RAPGEF2: variants seen among roughly 807,000 people sequenced by gnomAD.
RAPGEF2 encodes the protein Rap guanine nucleotide exchange factor 2.
Under a neutral mutation model 186.7 loss-of-function variants are expected in RAPGEF2, and 54 were observed. That is an observed-to-expected ratio of 0.29 (90% confidence interval 0.23 to 0.36). The LOEUF (loss-of-function observed/expected upper bound fraction) is 0.36, where lower values mean the gene tolerates loss of function less well. Among genes scored for constraint, RAPGEF2 ranks in the 10% least tolerant of loss-of-function variants. The pLI is 1.00. For synonymous variants in RAPGEF2, 712 were observed against 705.9 expected (o/e 1.01, Z -0.14); for missense variants, 1,532 against 2,045.0 (o/e 0.75, Z 4.84).
intron 8 of RAPGEF2, among the ~76,000 whole-genome samples, chr4:159,309,049 A>G (rs1763640570): frequency 6.6e-6 from 1 of 151,964 alleles, no homozygotes; most frequent in Non-Finnish European, 1.5e-5. Context: ...AGCACAAAGA[A>G]AGCAAGGATT....
At chr4:159,355,440 A>G (rs58133852) in intron 28 of RAPGEF2, among the ~76,000 whole-genome samples, 2,373 of 152,258 alleles carry the variant, frequency 0.016, 112 homozygotes, top group East Asian at 0.15. Context: ...GCAGAGAGGA[A>G]AAAGGGAACT....
chr4:159,278,633 C>T (rs1406704437), intron 7 of RAPGEF2, among the ~76,000 whole-genome samples: 4 of 152,086 alleles, frequency 2.6e-5, no homozygotes, highest in Non-Finnish European at 2.9e-5. Flanking sequence ...AAGAAAGTTA[C>T]GTAAAGAGAA....
intron 1 of RAPGEF2, among the ~76,000 whole-genome samples, chr4:159,117,553 T>G (rs1429760350): frequency 6.6e-6 from 1 of 152,168 alleles, no homozygotes; most frequent in African/African-American, 2.4e-5. Context: ...AAAGTCCTTG[T>G]TCCTACTTTA....
intron 11 of RAPGEF2, chr4:159,327,156 C>T (rs889189745): frequency 2.6e-5 from 4 of 152,178 alleles, no homozygotes; most frequent in Admixed American, 2.0e-4. Context: ...TTATTTCATT[C>T]ATCATCTGTA....
At chr4:159,350,993 G>T in intron 26 of RAPGEF2, 1 of 1,437,856 alleles carries the variant, frequency 7.0e-7, no homozygotes, top group South Asian at 1.2e-5. Flanking sequence ...CATTTTGTAT[G>T]GGTATCAGTC....
At chr4:159,319,570 A>G (rs983841382) in intron 9 of RAPGEF2, among the ~76,000 whole-genome samples, 6 of 152,256 alleles carry the variant, frequency 3.9e-5, no homozygotes, top group South Asian at 2.1e-4. Context: ...ATAATATAGC[A>G]TAGAAATTAT....
At chr4:159,268,082 T>C (rs933725396) in intron 7 of RAPGEF2, 12 of 1,579,830 alleles carry the variant, frequency 7.6e-6, no homozygotes, top group Non-Finnish European at 9.4e-6. Context: ...AATTTAATGC[T>C]GTAGAGGGTG....
intron 1 of RAPGEF2, among the ~76,000 whole-genome samples, chr4:159,160,795 T>C (rs547403929): frequency 7.9e-4 from 121 of 152,324 alleles, no homozygotes; most frequent in Admixed American, 1.8e-3. Context: ...CATTTTTTTT[T>C]CTCTTCCACA....
chr4:159,325,936 A>G (rs1765865036), intron 11 of RAPGEF2, among the ~76,000 whole-genome samples: 1 of 152,182 alleles, frequency 6.6e-6, no homozygotes, highest in Non-Finnish European at 1.5e-5. Flanking sequence ...TCTGATTAAG[A>G]TATATAGACT....
intron 7 of RAPGEF2, among the ~76,000 whole-genome samples, chr4:159,301,716 A>C (rs1762696798): frequency 6.6e-6 from 1 of 152,104 alleles, no homozygotes; most frequent in Non-Finnish European, 1.5e-5. Context: ...AAAATTAGCT[A>C]GACATGGTGG....
At chr4:159,317,132 A>G (rs1764700877) in intron 9 of RAPGEF2, among the ~76,000 whole-genome samples, 1 of 152,168 alleles carries the variant, frequency 6.6e-6, no homozygotes. Context: ...TATGAGGAAA[A>G]ACTTTCACCA....
At chr4:159,198,999 C>G (rs904569658) in intron 3 of RAPGEF2, among the ~76,000 whole-genome samples, 1 of 149,774 alleles carries the variant, frequency 6.7e-6, no homozygotes, top group African/African-American at 2.5e-5. Flanking sequence ...TTGCCTGAGC[C>G]CCAGCAGCAG....
At chr4:159,264,004 T>A (rs1264601144) in intron 7 of RAPGEF2, among the ~76,000 whole-genome samples, 2 of 152,204 alleles carry the variant, frequency 1.3e-5, no homozygotes, top group African/African-American at 2.4e-5. Flanking sequence ...ATCTAGTTAA[T>A]GCTACTTGGT....
intron 7 of RAPGEF2, among the ~76,000 whole-genome samples, chr4:159,287,039 A>G (rs1247897245): frequency 6.6e-6 from 1 of 152,214 alleles, no homozygotes; most frequent in African/African-American, 2.4e-5. Flanking sequence ...AGGAAAATTA[A>G]TAAGAAGTAC....
intron 3 of RAPGEF2, among the ~76,000 whole-genome samples, chr4:159,195,884 T>TG (rs1326864060): frequency 2.9e-5 from 4 of 139,752 alleles, no homozygotes; most frequent in East Asian, 2.0e-4. Flanking sequence ...TGTTTTTTTT[T>TG]TTTTTTTTTT....
At chr4:159,146,995 A>T (rs1449148315) in intron 1 of RAPGEF2, among the ~76,000 whole-genome samples, 1 of 152,176 alleles carries the variant, frequency 6.6e-6, no homozygotes, top group Non-Finnish European at 1.5e-5. Flanking sequence ...GATTGGTTTC[A>T]CTTTGTTGCC....
chr4:159,309,176 GT>G (rs1416074865), intron 8 of RAPGEF2, among the ~76,000 whole-genome samples: 2 of 152,116 alleles, frequency 1.3e-5, no homozygotes, highest in African/African-American at 4.8e-5. Flanking sequence ...TGCCTGGAAT[GT>G]TTTCTCCTAG....
intron 4 of RAPGEF2, among the ~76,000 whole-genome samples, chr4:159,223,325 T>C (rs959397960): frequency 4.6e-5 from 7 of 152,228 alleles, no homozygotes; most frequent in African/African-American, 1.7e-4. Context: ...TTCTTAGTTA[T>C]ACTTCTATCT....
chr4:159,281,999 A>G (rs1759783658), intron 7 of RAPGEF2, among the ~76,000 whole-genome samples: 2 of 152,180 alleles, frequency 1.3e-5, no homozygotes, highest in African/African-American at 4.8e-5. Flanking sequence ...GTGTGACAGT[A>G]GGCAGATTGC....
Sources: gnomAD v4.1 joint callset for allele counts (sites outside exome capture counted in the v4.1 genomes callset) on GRCh38, gnomAD v4.1.1 for gene constraint, MANE v1.5 for transcripts, NCBI Gene and HGNC (gene_info 2026-07-23, HGNC 2026-07-21) for gene names.